Variants in SLC35E1 observed in about 807,000 individuals in gnomAD.
SLC35E1 encodes the protein solute carrier family 35, member E1.
In SLC35E1, 12 loss-of-function variants were observed where a neutral mutation model predicts 31.0. The observed-to-expected ratio is 0.39, with a 90% CI of 0.25 to 0.63. SLC35E1 has a LOEUF of 0.63. Among genes scored for constraint, SLC35E1 ranks in the 20% least tolerant of loss-of-function variants. The pLI is 0.52. For synonymous variants in SLC35E1, 257 were observed against 264.1 expected (o/e 0.97, Z 0.26); for missense variants, 429 against 572.2 (o/e 0.75, Z 2.55).
chr19:16,558,153 C>A (rs1327648147), intron 4 of SLC35E1, among the ~76,000 whole-genome samples: 1 of 152,024 alleles, frequency 6.6e-6, no homozygotes, highest in Non-Finnish European at 1.5e-5. Context: ...AAGTGATTCT[C>A]CTGTTTCAGC....
intron 5 of SLC35E1, among the ~76,000 whole-genome samples, chr19:16,554,405 G>A (rs992329436): frequency 9.2e-5 from 14 of 152,062 alleles, no homozygotes; most frequent in African/African-American, 1.9e-4. Context: ...TTGGCCAGGC[G>A]CAGTGGCTTA....
chr19:16,566,574 C>G lies in SLC35E1; in HGVS notation c.714G>C (p.Trp238Cys). 1 of 1,612,744 alleles carries G rather than the reference C, an allele frequency of 6.2e-7. No individual in the cohort carries two copies. The highest frequency in any genetic ancestry group is 8.5e-7 in the Non-Finnish European group (1 of 1,180,030). The change falls in exon 4 of 6, where the codon TGG becomes TGC. Residue 238 changes from tryptophan (W) to cysteine (C), a missense_variant. Transcript: ENST00000595753. ...GGAAAGCCGAGAGGTCCACCAGAAC[C>G]CAGGTGGGGATCATAAAGAAGACGG... is the stretch of plus-strand genomic sequence containing the variant. ...CHAVFFMIPT[W>C]VLVDLSAFLV... is the part of the protein sequence containing the mutation.
Position 16,572,296 on chromosome 19 carries a change from C to T in SLC35E1, c.69G>A (p.Gly23=), listed in dbSNP as rs1168480954. 2.7e-6 allele frequency: 4 copies of T among 1,463,396 alleles called. No homozygotes were observed. The Admixed American group carries it at 7.3e-5, about 27-fold the overall frequency. The allele number at this position is 1,463,396 out of a possible 1,614,324, so 90.7% of individuals were successfully genotyped here. Residue 23 remains glycine (G), a synonymous_variant, in exon 1 of 6, where the codon GGG becomes GGA. Coordinates refer to ENST00000595753, the MANE Select transcript of SLC35E1 (RefSeq NM_024881.5). This position sits in a 1 kb window ranked among gnomAD's most constrained non-coding sequence, Gnocchi z 4.1. The stretch of plus-strand genomic sequence containing the variant: ...CCGCCACCCGCGCGCCCTCGCGCGC[C>T]CCACCACTGCTGCTCGCTGCGCCCG... ...GGPGAASSSG[G]AREGARVAAL...
chr19:16,560,266 T>C (rs1030297828), intron 4 of SLC35E1, among the ~76,000 whole-genome samples: 3 of 152,150 alleles, frequency 2.0e-5, no homozygotes, highest in African/African-American at 7.2e-5. Context: ...GAGTACTTTC[T>C]AGTTTCCTAG....
intron 4 of SLC35E1, chr19:16,565,060 G>C (rs1372655596): frequency 2.2e-6 from 1 of 451,240 alleles, no homozygotes; most frequent in African/African-American, 2.0e-5. Context: ...CTCGAGTCTG[G>C]AAGAATCGCA....
intron 4 of SLC35E1, among the ~76,000 whole-genome samples, chr19:16,562,869 G>A (rs991864337): frequency 1.7e-4 from 26 of 152,044 alleles, no homozygotes; most frequent in Admixed American, 6.6e-4. Flanking sequence ...CCACCATGCC[G>A]GGTTAATTTT....
chr19:16,572,242 G>A lies in SLC35E1; in HGVS notation c.123C>T (p.Ser41=), dbSNP rs2085963843. ...CCTTGTTGACCACGTTGCCGCCCGCGCTCAGCGCGTACCACAGCAGGCACA... is the reference window on the plus strand; with the variant it reads ...CCTTGTTGACCACGTTGCCGCCCGCACTCAGCGCGTACCACAGCAGGCACA... ...AALCLLWYAL[S]AGGNVVNKVI... is the part of the protein sequence containing the mutation. The change falls in exon 1 of 6, where the codon AGC becomes AGT. Residue 41 remains serine, a synonymous_variant. Coordinates refer to ENST00000595753, the MANE Select transcript of SLC35E1 (RefSeq NM_024881.5). The surrounding 1 kb of genome is among the most constrained non-coding windows in gnomAD (Gnocchi z 4.1). The A allele has an allele frequency of 3.9e-6, 6 of 1,522,662 alleles. No individual in the cohort carries two copies. Among genetic ancestry groups the A allele is most frequent in the Non-Finnish European group, 4.4e-6 (5 of 1,134,328 alleles). 94.3% of individuals were successfully genotyped at this position (1,522,662 alleles called of 1,614,324 possible).
At chr19:16,556,853 G>A (rs1269621852) in intron 4 of SLC35E1, 8 of 471,102 alleles carry the variant, frequency 1.7e-5, no homozygotes, top group African/African-American at 1.4e-4. Flanking sequence ...AATGCAAGAA[G>A]ACACGCTTAG....
chr19:16,566,876 A>G (rs991633832), intron 3 of SLC35E1, among the ~76,000 whole-genome samples: 1 of 152,166 alleles, frequency 6.6e-6, no homozygotes, highest in Admixed American at 6.5e-5. Context: ...CAAAAATAAA[A>G]CAGTAACACT....
At chr19:16,565,237 C>G (rs1010151420) in intron 4 of SLC35E1, 15 of 409,602 alleles carry the variant, frequency 3.7e-5, no homozygotes, top group Middle Eastern at 4.8e-4. Flanking sequence ...TGAGACGGAG[C>G]TTCACACTTG....
In SLC35E1 at chr19:16,551,601, C is replaced by T. The variant is rs1437153916; in HGVS notation, c.*2078G>A. ...AAGAAGGCAGCCATCACCTAAGACC[C>T]CACAAGCCAAGCCGTGGTCCCCTCC... On this transcript the variant is annotated 3_prime_UTR_variant, in exon 6 of 6. Transcript: ENST00000595753. 2.0e-5 allele frequency: 3 copies of T among 152,058 alleles called. No individual in the cohort carries two copies. Among genetic ancestry groups the T allele is most frequent in the African/African-American group, 7.2e-5 (3 of 41,390 alleles). The allele number at this position is 152,058 out of a possible 1,614,324, so 9.4% of individuals were successfully genotyped here.
At position 16,555,561 on chromosome 19, in the gene SLC35E1, C is replaced by T. The variant is rs936880073; in HGVS notation, c.757-164G>A. ...ATGTGTCACCAAGAGACACTAGGTG[C>T]TTTAGGTCCATGACCTCAGAACCTC... On this transcript the variant is annotated intron_variant, in intron 4 of 5. Transcript: ENST00000595753. The surrounding 1 kb of genome is among the most constrained non-coding windows in gnomAD (Gnocchi z 4.1). The T allele has an allele frequency of 2.2e-6, 2 of 893,772 alleles. No individual in the cohort carries two copies. Among genetic ancestry groups the T allele is most frequent in the Non-Finnish European group, 3.3e-6 (2 of 604,922 alleles). 55.4% of individuals were successfully genotyped at this position (893,772 alleles called of 1,614,324 possible). A position where few individuals can be genotyped will look rare whatever the true frequency, so the allele number is the denominator to read the frequency against.
At chr19:16,556,990 A>T in intron 4 of SLC35E1, 1 of 471,144 alleles carries the variant, frequency 2.1e-6, no homozygotes, top group Admixed American at 2.3e-5. Context: ...AATATATATG[A>T]GCCCACCAGG....
rs985083484 is a variant in SLC35E1 at position 16,572,262 on chromosome 19, G to A, written c.103C>T (p.Leu35=). Residue 35 remains leucine (L), a synonymous_variant, in exon 1 of 6, where the codon CTG becomes TTG. Coordinates refer to ENST00000595753, the MANE Select transcript of SLC35E1 (RefSeq NM_024881.5). This position sits in a 1 kb window ranked among gnomAD's most constrained non-coding sequence, Gnocchi z 4.1. ...CCCGCGCTCAGCGCGTACCACAGCAGGCACAGCGCCGCCACCCGCGCGCCC... is the reference window on the plus strand; with the variant it reads ...CCCGCGCTCAGCGCGTACCACAGCAAGCACAGCGCCGCCACCCGCGCGCCC... ...REGARVAALC[L]LWYALSAGGN... 2.1e-5 allele frequency: 32 copies of A among 1,506,930 alleles called. No individual in the cohort carries two copies. In the African/African-American group the frequency reaches 3.5e-4, roughly 16 times the overall value. The allele number at this position is 1,506,930 out of a possible 1,614,324, so 93.3% of individuals were successfully genotyped here.
chr19:16,551,977 C>G lies in SLC35E1; in HGVS notation c.*1702G>C, dbSNP rs1480588962. 6.6e-6 allele frequency: 1 copy of G among 151,958 alleles called. No individual in the cohort carries two copies. Among genetic ancestry groups the G allele is most frequent in the African/African-American group, 2.4e-5 (1 of 41,356 alleles). 9.4% of individuals were successfully genotyped at this position (151,958 alleles called of 1,614,324 possible). A position where few individuals can be genotyped will look rare whatever the true frequency, so the allele number is the denominator to read the frequency against. ...ATGTTGGCCAGGGTGGTCTCAAACT[C>G]CAGTGATCCACCCACCTCAGCCTCC... On this transcript the variant is annotated 3_prime_UTR_variant, in exon 6 of 6. Transcript: ENST00000595753.
At chr19:16,559,816 G>A (rs913819348) in intron 4 of SLC35E1, among the ~76,000 whole-genome samples, 10 of 152,150 alleles carry the variant, frequency 6.6e-5, no homozygotes, top group African/African-American at 2.4e-4. Flanking sequence ...GGCCCTTGTT[G>A]ATTGTCTTTT....
At chr19:16,571,652 G>T (rs1311227596) in intron 1 of SLC35E1, 70 bp from the exon 2 acceptor site, 1 of 1,547,164 alleles carries the variant, frequency 6.5e-7, no homozygotes. Flanking sequence ...CACCTCCACG[G>T]CGGGATGGGA....
chr19:16,557,171 T>A (rs1319788686), intron 4 of SLC35E1: 1 of 339,510 alleles, frequency 2.9e-6, no homozygotes, highest in East Asian at 7.7e-5. Flanking sequence ...ATGGACTGAT[T>A]TGGCAGCACG....
chr19:16,571,266 G>A (rs1410261470), intron 2 of SLC35E1, among the ~76,000 whole-genome samples: 1 of 152,164 alleles, frequency 6.6e-6, no homozygotes, highest in Non-Finnish European at 1.5e-5. Flanking sequence ...GGATCTGAAA[G>A]GGACAACAGT....
Sources: gnomAD v4.1 joint callset for allele counts (sites outside exome capture counted in the v4.1 genomes callset) on GRCh38, gnomAD v4.1.1 for gene constraint, Gnocchi (gnomAD v3.1) non-coding constraint, MANE v1.5 for transcripts, NCBI Gene and HGNC (gene_info 2026-07-23, HGNC 2026-07-21) for gene names.